Variants in MCU observed in about 807,000 individuals in gnomAD.
MCU encodes the protein calcium uniporter protein, mitochondrial.
MCU carries 12 observed loss-of-function variants against 45.2 expected under a neutral mutation model. The observed-to-expected ratio is 0.27, with a 90% CI of 0.17 to 0.43. MCU has a LOEUF of 0.43. MCU is among the 20% of genes least tolerant of loss of function. MCU has a pLI of 1.00. For missense variants in MCU, 324 were observed against 436.7 expected, an observed-to-expected ratio of 0.74 and a Z score of 2.30; for synonymous variants, 160 against 165.1, an observed-to-expected ratio of 0.97 and a Z score of 0.24.
intron 1 of MCU, among the ~76,000 whole-genome samples, chr10:72,805,696 G>A (rs1820287151): frequency 6.6e-6 from 1 of 151,972 alleles, no homozygotes; most frequent in African/African-American, 2.4e-5. Context: ...GAAAGTCCCT[G>A]TGGAATTTGC....
chr10:72,745,404 T>A (rs1843400823), intron 1 of MCU, among the ~76,000 whole-genome samples: 2 of 152,172 alleles, frequency 1.3e-5, no homozygotes, highest in African/African-American at 4.8e-5. Context: ...GTTTTTTCTA[T>A]TTTTAGTAGA....
intron 1 of MCU, among the ~76,000 whole-genome samples, chr10:72,762,307 C>A (rs773118981): frequency 2.4e-4 from 37 of 152,130 alleles, no homozygotes; most frequent in Non-Finnish European, 5.0e-4. Context: ...TGGTACCAAT[C>A]AATCCTAGTG....
chr10:72,789,985 A>G (rs941368636), intron 1 of MCU, among the ~76,000 whole-genome samples: 1 of 152,196 alleles, frequency 6.6e-6, no homozygotes. Flanking sequence ...TCTTCTCACT[A>G]CATGGTCCAC....
intron 1 of MCU, among the ~76,000 whole-genome samples, chr10:72,824,773 A>G (rs978217149): frequency 2.0e-5 from 3 of 152,172 alleles, no homozygotes; most frequent in African/African-American, 7.2e-5. Flanking sequence ...CTCTCATTGC[A>G]GGGGAATAAG....
In MCU at chr10:72,708,663, T is replaced by A. The variant is rs140074804; in HGVS notation, c.150+16362T>A. On this transcript the variant is annotated intron_variant, in intron 1 of 7. Transcript: ENST00000373053. ...CCTTCTCCCCTGTGGGTAACACAGC[T>A]GTAGATCATCTTGTTCTCTGTGCCC... 3.1e-3 allele frequency among the ~76,000 whole-genome samples: 470 copies of A among 152,266 alleles called. 2 individuals carry two copies. The highest frequency in any genetic ancestry group is 0.011 in the African/African-American group (437 of 41,548).
intron 1 of MCU, among the ~76,000 whole-genome samples, chr10:72,795,338 A>G (rs977287575): frequency 1.3e-5 from 2 of 152,044 alleles, no homozygotes; most frequent in Non-Finnish European, 2.9e-5. Context: ...TTGGTTTTTG[A>G]TATGGCATCA....
intron 1 of MCU, among the ~76,000 whole-genome samples, chr10:72,778,732 T>C (rs921111617): frequency 6.6e-6 from 1 of 152,170 alleles, no homozygotes; most frequent in African/African-American, 2.4e-5. Context: ...AATATTTGAC[T>C]AACTGGTCAA....
chr10:72,831,686 G>T (rs1282248310), intron 1 of MCU, among the ~76,000 whole-genome samples: 1 of 152,140 alleles, frequency 6.6e-6, no homozygotes, highest in African/African-American at 2.4e-5. Flanking sequence ...AAAGGATTCG[G>T]AGTACCCATT....
At chr10:72,810,932 A>G (rs182403721) in intron 1 of MCU, among the ~76,000 whole-genome samples, 1 of 152,314 alleles carries the variant, frequency 6.6e-6, no homozygotes, top group Non-Finnish European at 1.5e-5. Flanking sequence ...AGTTAAAATA[A>G]GGCTTATACT....
intron 1 of MCU, among the ~76,000 whole-genome samples, chr10:72,751,889 G>A (rs1051703363): frequency 6.6e-6 from 1 of 151,618 alleles, no homozygotes; most frequent in African/African-American, 2.4e-5. Context: ...GCCCAGGCTG[G>A]AGTGCAGTGG....
intron 1 of MCU, among the ~76,000 whole-genome samples, chr10:72,742,890 A>C (rs71479459): frequency 6.6e-6 from 1 of 152,278 alleles, no homozygotes; most frequent in South Asian, 2.1e-4. Context: ...AGGGGGTGCA[A>C]TGCTATAAAT....
In MCU at chr10:72,701,489, GT is replaced by G. The variant is rs533666045; in HGVS notation, c.150+9192del. ...TGTTCTTCCTCAAGTATCTGCTGCT[GT>G]TTTCCTTCAAGAGATCTCGACATCC... On this transcript the variant is annotated intron_variant, in intron 1 of 7. Transcript: ENST00000373053. Among the ~76,000 whole-genome samples, 55 of 152,044 alleles carry G rather than the reference GT, an allele frequency of 3.6e-4. 1 individual carries two copies. Among genetic ancestry groups the G allele is most frequent in the Non-Finnish European group, 6.0e-4 (41 of 68,000 alleles).
intron 4 of MCU, among the ~76,000 whole-genome samples, chr10:72,861,069 G>C (rs1418504734): frequency 6.6e-6 from 1 of 152,066 alleles, no homozygotes; most frequent in Non-Finnish European, 1.5e-5. Flanking sequence ...CTGTCACCCA[G>C]GATGGAGTGC....
chr10:72,826,688 C>T (rs1253128950), intron 1 of MCU, among the ~76,000 whole-genome samples: 1 of 152,212 alleles, frequency 6.6e-6, no homozygotes, highest in African/African-American at 2.4e-5. Flanking sequence ...TTAACAGATA[C>T]AGTACAGTGG....
intron 1 of MCU, among the ~76,000 whole-genome samples, chr10:72,800,762 C>CA: frequency 6.6e-6 from 1 of 152,300 alleles, no homozygotes; most frequent in East Asian, 1.9e-4. Context: ...TGCCGTCATG[C>CA]ATTTTTAATT....
At chr10:72,749,984 T>G (rs1387113688) in intron 1 of MCU, among the ~76,000 whole-genome samples, 2 of 151,864 alleles carry the variant, frequency 1.3e-5, no homozygotes, top group African/African-American at 4.8e-5. Flanking sequence ...TTCACCATGT[T>G]GACTGGGCTG....
At chr10:72,786,468 G>T in intron 1 of MCU, among the ~76,000 whole-genome samples, 1 of 152,142 alleles carries the variant, frequency 6.6e-6, no homozygotes, top group East Asian at 1.9e-4. Flanking sequence ...AGCATGGCTG[G>T]GTGCCATGGC....
intron 6 of MCU, among the ~76,000 whole-genome samples, chr10:72,876,612 TC>T (rs1244635459): frequency 6.6e-6 from 1 of 152,170 alleles, no homozygotes. Flanking sequence ...CACATCAAGA[TC>T]CCCATCCCAC....
At chr10:72,801,785 C>A (rs1174883033) in intron 1 of MCU, among the ~76,000 whole-genome samples, 1 of 151,248 alleles carries the variant, frequency 6.6e-6, no homozygotes, top group Non-Finnish European at 1.5e-5. Flanking sequence ...GAACCTCTTG[C>A]CTCAGCCTCC....
Sources: gnomAD v4.1 joint callset for allele counts (sites outside exome capture counted in the v4.1 genomes callset) on GRCh38, gnomAD v4.1.1 for gene constraint, MANE v1.5 for transcripts, NCBI Gene and HGNC (gene_info 2026-07-23, HGNC 2026-07-21) for gene names.